The following CSMD1 variants were observed in gnomAD, a reference collection of about 807,000 sequenced individuals.
The protein encoded by CSMD1 is CUB and sushi domain-containing protein 1.
A neutral mutation model predicts 417.5 loss-of-function variants in CSMD1; 213 were observed. That is an observed-to-expected ratio of 0.51 (90% confidence interval 0.46 to 0.57). The LOEUF is 0.57. CSMD1 is among the 20% of genes least tolerant of loss of function. The pLI, the probability that CSMD1 is intolerant of heterozygous loss-of-function variation, is 0.00. For missense variants in CSMD1, 6,923 were observed against 4,529.7 expected (o/e 1.53, Z -15.17); for synonymous variants, 2,862 against 1,736.8 (o/e 1.65, Z -16.11).
At chr8:3,303,210 G>A (rs1413015629) in intron 25 of CSMD1, among the ~76,000 whole-genome samples, 1 of 152,110 alleles carries the variant, frequency 6.6e-6, no homozygotes, top group Non-Finnish European at 1.5e-5. Flanking sequence ...TCCAACCCAT[G>A]GTCTATGTAC....
intron 2 of CSMD1, among the ~76,000 whole-genome samples, chr8:4,542,075 C>T (rs1403733977): frequency 6.6e-6 from 1 of 152,104 alleles, no homozygotes; most frequent in African/African-American, 2.4e-5. Context: ...CGCCCTCTAG[C>T]TTCTTACCAA....
At chr8:3,724,679 C>G (rs953982705) in intron 6 of CSMD1, among the ~76,000 whole-genome samples, 3 of 151,964 alleles carry the variant, frequency 2.0e-5, no homozygotes, top group Non-Finnish European at 4.4e-5. Context: ...TCAGGGAGTC[C>G]ATGAAATTAA....
intron 3 of CSMD1, among the ~76,000 whole-genome samples, chr8:4,116,623 C>T (rs1329695817): frequency 1.3e-5 from 2 of 148,348 alleles, no homozygotes; most frequent in African/African-American, 5.0e-5. Context: ...ATGGAACAAA[C>T]GCGCCATGAA....
chr8:4,526,351 CGCT>C (rs1173858320), intron 2 of CSMD1, among the ~76,000 whole-genome samples: 1 of 152,200 alleles, frequency 6.6e-6, no homozygotes, highest in African/African-American at 2.4e-5. Flanking sequence ...ATTAGGTTCA[CGCT>C]GACCATGAAG....
chr8:3,929,393 G>C (rs532647969), intron 5 of CSMD1, among the ~76,000 whole-genome samples: 2 of 150,532 alleles, frequency 1.3e-5, no homozygotes, highest in East Asian at 3.9e-4. Flanking sequence ...TCACAGCCAA[G>C]GGTGACAATG....
chr8:3,281,613 G>C (rs142884487), intron 26 of CSMD1, among the ~76,000 whole-genome samples: 1 of 152,112 alleles, frequency 6.6e-6, no homozygotes, highest in African/African-American at 2.4e-5. Context: ...CTAACTCTGT[G>C]ACTTTCAGGA....
At chr8:4,483,749 A>T (rs901496586) in intron 2 of CSMD1, among the ~76,000 whole-genome samples, 2 of 152,242 alleles carry the variant, frequency 1.3e-5, no homozygotes, top group Non-Finnish European at 2.9e-5. Flanking sequence ...ATAATCCTGA[A>T]CAAAATAAAT....
At chr8:4,233,784 G>A (rs1401680360) in intron 3 of CSMD1, among the ~76,000 whole-genome samples, 2 of 152,268 alleles carry the variant, frequency 1.3e-5, no homozygotes, top group East Asian at 3.9e-4. Context: ...CTGAGAAGAA[G>A]TAGAGTATCT....
intron 8 of CSMD1, among the ~76,000 whole-genome samples, chr8:3,593,756 C>G (rs549778536): frequency 1.3e-5 from 2 of 152,272 alleles, no homozygotes; most frequent in South Asian, 4.2e-4. Flanking sequence ...TCCATTTTAA[C>G]TTACTTTGCA....
intron 3 of CSMD1, among the ~76,000 whole-genome samples, chr8:4,229,236 G>C (rs960437574): frequency 6.6e-6 from 1 of 152,116 alleles, no homozygotes; most frequent in African/African-American, 2.4e-5. Flanking sequence ...AATTTGGCTA[G>C]TCCTACTCAA....
chr8:4,117,004 C>T lies in CSMD1; in HGVS notation c.416-84905G>A, dbSNP rs1367811291. Among the ~76,000 whole-genome samples the T allele has an allele frequency of 2.0e-5, 3 of 152,040 alleles. No homozygotes were observed. The East Asian group carries it at 5.8e-4, about 29-fold the overall frequency. On this transcript the variant is annotated intron_variant, in intron 3 of 69. Coordinates refer to ENST00000635120, the MANE Select transcript of CSMD1 (RefSeq NM_033225.6). The stretch of plus-strand genomic sequence containing the variant: ...TAGTGACTATCTTCAGTAAGATGGC[C>T]TGACGCTTAACCTTTTTTTTTCTTT...
intron 25 of CSMD1, among the ~76,000 whole-genome samples, chr8:3,299,942 T>G (rs566110889): frequency 6.6e-6 from 1 of 152,316 alleles, no homozygotes; most frequent in East Asian, 1.9e-4. Flanking sequence ...GCTATAAAAA[T>G]TGAAATGTGC....
chr8:4,201,235 G>A (rs911008946), intron 3 of CSMD1, among the ~76,000 whole-genome samples: 6 of 152,138 alleles, frequency 3.9e-5, no homozygotes, highest in Non-Finnish European at 7.4e-5. Flanking sequence ...TGGTGAGTAT[G>A]GTTGTAAGTA....
intron 1 of CSMD1, among the ~76,000 whole-genome samples, chr8:4,952,241 AT>A (rs1434683875): frequency 2.6e-5 from 4 of 152,090 alleles, no homozygotes; most frequent in African/African-American, 2.4e-5. Context: ...GTTAATTTGG[AT>A]TTTTTTCTAT....
At chr8:3,454,982 C>T (rs1392768778) in intron 12 of CSMD1, among the ~76,000 whole-genome samples, 1 of 152,142 alleles carries the variant, frequency 6.6e-6, no homozygotes, top group Admixed American at 6.5e-5. Context: ...TTCACATAGT[C>T]CCATATTTCT....
intron 12 of CSMD1, among the ~76,000 whole-genome samples, chr8:3,421,383 A>G (rs986444848): frequency 2.0e-5 from 3 of 152,230 alleles, no homozygotes; most frequent in African/African-American, 2.4e-5. Flanking sequence ...TAAAGGAATG[A>G]CCAAATGCAA....
chr8:3,794,171 G>A (rs144914212), intron 5 of CSMD1, among the ~76,000 whole-genome samples: 173 of 152,228 alleles, frequency 1.1e-3, no homozygotes, highest in African/African-American at 4.0e-3. Context: ...ATGACTTTAT[G>A]TTACTCAAAG....
intron 2 of CSMD1, among the ~76,000 whole-genome samples, chr8:4,501,530 G>C (rs13276514): frequency 0.28 from 42,952 of 151,998 alleles, 6,348 homozygotes; most frequent in East Asian, 0.38. Context: ...ACTTTCTGTG[G>C]TTTCAGTTAC....
chr8:4,434,143 G>C (rs1798020101), intron 2 of CSMD1, among the ~76,000 whole-genome samples: 1 of 152,164 alleles, frequency 6.6e-6, no homozygotes, highest in African/African-American at 2.4e-5. Flanking sequence ...TTTGAGAACA[G>C]CTTGGCCAAC....
Sources: gnomAD v4.1 joint callset for allele counts (sites outside exome capture counted in the v4.1 genomes callset) on GRCh38, gnomAD v4.1.1 for gene constraint, MANE v1.5 for transcripts, NCBI Gene and HGNC (gene_info 2026-07-23, HGNC 2026-07-21) for gene names.